The following SMAD5 variants were observed in gnomAD, a reference collection of about 807,000 sequenced individuals.
SMAD5 encodes MAD, mothers against decapentaplegic homolog 5.
Under a neutral mutation model 43.1 loss-of-function variants are expected in SMAD5, and 9 were observed. That is an observed-to-expected ratio of 0.21 (90% CI 0.13 to 0.36). The LOEUF (loss-of-function observed/expected upper bound fraction) is 0.36, where lower values mean the gene tolerates loss of function less well. SMAD5 is among the 10% of genes least tolerant of loss of function. The pLI is 1.00. For synonymous variants in SMAD5, 190 were observed against 192.4 expected, an observed-to-expected ratio of 0.99 and a Z score of 0.10; for missense variants, 348 against 574.0, an observed-to-expected ratio of 0.61 and a Z score of 4.02.
intron 2 of SMAD5, among the ~76,000 whole-genome samples, chr5:136,148,436 A>G (rs1007637976): frequency 6.6e-6 from 1 of 151,834 alleles, no homozygotes; most frequent in African/African-American, 2.4e-5. Context: ...CATCAAGACT[A>G]CAAAAAAGCA....
At chr5:136,157,883 TG>T (rs1753694853) in intron 3 of SMAD5, among the ~76,000 whole-genome samples, 1 of 152,200 alleles carries the variant, frequency 6.6e-6, no homozygotes, top group Non-Finnish European at 1.5e-5. Context: ...CTGTGGGTTC[TG>T]GAGCCAGGCT....
rs137932860 is a variant in SMAD5 at position 136,155,457 on chromosome 5, G to A, written c.403+1294G>A. Reference sequence around the variant, plus strand: ...GTAGTGTCCTAATTGGTCTTTCTGCGTCTCTTCTTCCCCTTAACCCATTGT... The same window carrying A: ...GTAGTGTCCTAATTGGTCTTTCTGCATCTCTTCTTCCCCTTAACCCATTGT... On this transcript the variant is annotated intron_variant, in intron 3 of 7. Transcript: ENST00000545279. Among the ~76,000 whole-genome samples, 986 of 152,158 alleles carry A rather than the reference G, an allele frequency of 6.5e-3. 12 individuals carry two copies. The highest frequency in any genetic ancestry group is 0.016 in the Admixed American group (240 of 15,294).
chr5:136,177,938 A>G lies in SMAD5; in HGVS notation c.*458A>G, dbSNP rs1754484489. Reference sequence around the variant, plus strand: ...TCCCACCAACTTAAAAAAAAAAAGTACAATTCATTGTTTTGCAAAAGTGTA... The same window carrying G: ...TCCCACCAACTTAAAAAAAAAAAGTGCAATTCATTGTTTTGCAAAAGTGTA... On this transcript the variant is annotated 3_prime_UTR_variant, in exon 8 of 8. Transcript: ENST00000545279. 2 of 153,974 alleles carry G rather than the reference A, an allele frequency of 1.3e-5. No homozygotes were observed. Among genetic ancestry groups the G allele is most frequent in the South Asian group, 4.1e-4 (2 of 4,934 alleles). 9.5% of individuals were successfully genotyped at this position (153,974 alleles called of 1,614,324 possible). A position where few individuals can be genotyped will look rare whatever the true frequency, so the allele number is the denominator to read the frequency against.
At chr5:136,152,641 G>T (rs1753509089) in intron 2 of SMAD5, 1 of 152,116 alleles carries the variant, frequency 6.6e-6, no homozygotes, top group South Asian at 2.1e-4. Context: ...CGATCTGCAG[G>T]AGATCTTACA....
At chr5:136,139,938 G>T (rs900231196) in intron 1 of SMAD5, among the ~76,000 whole-genome samples, 1 of 151,866 alleles carries the variant, frequency 6.6e-6, no homozygotes, top group Non-Finnish European at 1.5e-5. Flanking sequence ...GGCTTGAACC[G>T]CTGAGCTCAA....
chr5:136,153,548 T>C, intron 2 of SMAD5, 44 bp from the exon 3 acceptor site: 1 of 459,088 alleles, frequency 2.2e-6, no homozygotes, highest in Non-Finnish European at 3.8e-6. Flanking sequence ...TTTGTATATA[T>C]TGAATTGATT....
rs1754481540 is a variant in SMAD5, at chr5:136,177,867, T to C, written c.*387T>C. On this transcript the variant is annotated 3_prime_UTR_variant, in exon 8 of 8. Transcript: ENST00000545279. The stretch of plus-strand genomic sequence containing the variant: ...TATACAGTGAAGAGTAAGTTTTCCC[T>C]CCTACTCTCGATCTTCCAGAAGCTG... 1 of 154,894 alleles carries C rather than the reference T, an allele frequency of 6.5e-6. No individual in the cohort carries two copies. Among genetic ancestry groups the C allele is most frequent in the South Asian group, 2.0e-4 (1 of 4,976 alleles). The allele number at this position is 154,894 out of a possible 1,614,324, so 9.6% of individuals were successfully genotyped here.
intron 7 of SMAD5, among the ~76,000 whole-genome samples, chr5:136,176,456 A>AC: frequency 1.2e-5 from 1 of 86,426 alleles, no homozygotes; most frequent in Non-Finnish European, 2.3e-5. Context: ...ACTCTGTCTC[A>AC]CAAAAAAAAA....
At chr5:136,173,560 A>G (rs927988334) in intron 6 of SMAD5, among the ~76,000 whole-genome samples, 2 of 152,004 alleles carry the variant, frequency 1.3e-5, no homozygotes, top group African/African-American at 4.8e-5. Context: ...GAAGTGCCTC[A>G]CTTCTAGGCA....
intron 3 of SMAD5, among the ~76,000 whole-genome samples, chr5:136,157,770 T>G (rs1753687924): frequency 6.6e-6 from 1 of 152,164 alleles, no homozygotes; most frequent in Admixed American, 6.5e-5. Context: ...GCTCACTCTC[T>G]CTCACCATCA....
chr5:136,176,013 C>G (rs1254378598), intron 7 of SMAD5, among the ~76,000 whole-genome samples: 1 of 152,184 alleles, frequency 6.6e-6, no homozygotes, highest in Non-Finnish European at 1.5e-5. Flanking sequence ...CTAAAGATTT[C>G]AGCTCAGTTC....
Position 136,132,982 on chromosome 5 carries a change from G to C in SMAD5, c.-245+20G>C, listed in dbSNP as rs377627067. On this transcript the variant is annotated intron_variant, in intron 1 of 7. Transcript: ENST00000545279. ...TCGCGAGTGAGTGAGGGTCCCCGGC[G>C]CGCGCGGGCGAGGGGAACTGGGGGC... 6.6e-6 allele frequency: 1 copy of C among 152,332 alleles called. No homozygotes were observed. The highest frequency in any genetic ancestry group is 1.5e-5 in the Non-Finnish European group (1 of 68,140). The allele number at this position is 152,332 out of a possible 1,614,324, so 9.4% of individuals were successfully genotyped here.
chr5:136,163,408 C>A lies in SMAD5; in HGVS notation c.775+17C>A. ...CCAGCAGGGGTAAGAGAAGTACTCA[C>A]TTCATTTATTTTATAGTAGTAGTTG... On this transcript the variant is annotated intron_variant, in intron 5 of 7. Transcript: ENST00000545279. 6.4e-7 allele frequency: 1 copy of A among 1,567,602 alleles called. No individual in the cohort carries two copies. The highest frequency in any genetic ancestry group is 8.6e-7 in the Non-Finnish European group (1 of 1,159,168).
At chr5:136,143,165 A>G (rs1471374980) in intron 1 of SMAD5, among the ~76,000 whole-genome samples, 1 of 151,968 alleles carries the variant, frequency 6.6e-6, no homozygotes, top group African/African-American at 2.4e-5. Flanking sequence ...TTTTGGCCAT[A>G]ACTAGAGTTA....
In SMAD5 at chr5:136,171,083, G is replaced by A. The variant is rs185836326; in HGVS notation, c.776-1351G>A. ...TGGCATTAGCAAGGACTTCCAGTAT[G>A]ATGTTGAAAAGTGGGAGAGGAGGCA... On this transcript the variant is annotated intron_variant, in intron 5 of 7. Coordinates refer to ENST00000545279, the MANE Select transcript of SMAD5 (RefSeq NM_005903.7). Among the ~76,000 whole-genome samples, 274 of 152,280 alleles carry A rather than the reference G, an allele frequency of 1.8e-3. 1 individual carries two copies. Among genetic ancestry groups the A allele is most frequent in the African/African-American group, 6.1e-3 (254 of 41,582 alleles).
rs957828775 is a variant in SMAD5 at position 136,180,723 on chromosome 5, A to G, written c.*3243A>G. 6.6e-6 allele frequency: 1 copy of G among 152,180 alleles called. No individual in the cohort carries two copies. Among genetic ancestry groups the G allele is most frequent in the Non-Finnish European group, 1.5e-5 (1 of 67,984 alleles). The allele number at this position is 152,180 out of a possible 1,614,324, so 9.4% of individuals were successfully genotyped here. A position where few individuals can be genotyped will look rare whatever the true frequency, so the allele number is the denominator to read the frequency against. On this transcript the variant is annotated 3_prime_UTR_variant, in exon 8 of 8. Coordinates refer to ENST00000545279, the MANE Select transcript of SMAD5 (RefSeq NM_005903.7). ...ATTGTATTGTTGCTATATAAAAAAA[A>G]TAATAGAATTGGTTGGGTTTCTGAG...
intron 1 of SMAD5, chr5:136,133,387 G>T (rs1380008702): frequency 1.3e-5 from 2 of 152,560 alleles, no homozygotes; most frequent in Non-Finnish European, 2.9e-5. Flanking sequence ...GGCAGCCTGG[G>T]CTGCTGCACT....
At chr5:136,171,126 A>G (rs1323479681) in intron 5 of SMAD5, among the ~76,000 whole-genome samples, 1 of 152,150 alleles carries the variant, frequency 6.6e-6, no homozygotes, top group African/African-American at 2.4e-5. Context: ...TTTGTTTTTG[A>G]TCTTAGCAGA....
chr5:136,141,832 A>G (rs993802167), intron 1 of SMAD5, among the ~76,000 whole-genome samples: 1 of 152,184 alleles, frequency 6.6e-6, no homozygotes, highest in Non-Finnish European at 1.5e-5. Context: ...CCAAATTTGT[A>G]TAACCCCAAG....
Sources: gnomAD v4.1 joint callset for allele counts (sites outside exome capture counted in the v4.1 genomes callset) on GRCh38, gnomAD v4.1.1 for gene constraint, MANE v1.5 for transcripts, NCBI Gene and HGNC (gene_info 2026-07-23, HGNC 2026-07-21) for gene names.